The following ARMH3 variants were observed in gnomAD, a reference collection of about 807,000 sequenced individuals.
The protein encoded by ARMH3 is armadillo-like helical domain-containing protein 3.
Under a neutral mutation model 99.1 loss-of-function variants are expected in ARMH3, and 60 were observed. The observed-to-expected ratio is 0.61, with a 90% CI of 0.49 to 0.75. The LOEUF is 0.75. ARMH3 is among the 30% of genes least tolerant of loss of function. ARMH3 has a pLI of 0.00. For missense variants in ARMH3, 679 were observed against 843.1 expected, an observed-to-expected ratio of 0.81 and a Z score of 2.41; for synonymous variants, 285 against 292.8, an observed-to-expected ratio of 0.97 and a Z score of 0.27.
At chr10:102,028,181 C>G (rs1405158688) in intron 5 of ARMH3, among the ~76,000 whole-genome samples, 1 of 152,064 alleles carries the variant, frequency 6.6e-6, no homozygotes, top group Non-Finnish European at 1.5e-5. Context: ...TTTGGTAGTT[C>G]CTAAAATGTC....
chr10:102,023,383 G>T, intron 8 of ARMH3, 94 bp downstream of exon 8: 2 of 1,119,848 alleles, frequency 1.8e-6, no homozygotes, highest in South Asian at 1.5e-5. Context: ...CATTTACCAA[G>T]AACGTCTTCT....
chr10:101,973,136 G>A (rs769082481), intron 20 of ARMH3, among the ~76,000 whole-genome samples: 47 of 152,160 alleles, frequency 3.1e-4, no homozygotes, highest in Non-Finnish European at 4.9e-4. Flanking sequence ...CGAGGTGGGC[G>A]GATCACAAGG....
intron 1 of ARMH3, among the ~76,000 whole-genome samples, chr10:102,054,487 C>CGTA (rs1396700429): frequency 6.6e-6 from 1 of 152,158 alleles, no homozygotes; most frequent in Non-Finnish European, 1.5e-5. Context: ...GGTATTCCCC[C>CGTA]TTTACAGTCG....
At chr10:101,955,374 G>A (rs559419990) in intron 22 of ARMH3, among the ~76,000 whole-genome samples, 1 of 152,264 alleles carries the variant, frequency 6.6e-6, no homozygotes, top group Admixed American at 6.5e-5. Flanking sequence ...CTTTAAGATG[G>A]TTTTAAGTCC....
rs560089342 is a variant in ARMH3, at chr10:101,973,157, G to A, written c.1495+2055C>T. ...GGGCGGATCACAAGGTCAGGAGTTCGAGACCATCCTGCCTAACACGGTGAA... is the reference window on the plus strand; with the variant it reads ...GGGCGGATCACAAGGTCAGGAGTTCAAGACCATCCTGCCTAACACGGTGAA... On this transcript the variant is annotated intron_variant, in intron 20 of 25. Coordinates refer to ENST00000370033, the MANE Select transcript of ARMH3 (RefSeq NM_024541.3). Among the ~76,000 whole-genome samples the A allele has an allele frequency of 6.6e-5, 10 of 152,096 alleles. No homozygotes were observed. The South Asian group carries it at 2.1e-3, about 32-fold the overall frequency.
intron 14 of ARMH3, among the ~76,000 whole-genome samples, chr10:102,005,380 CAAAAAAAAAAA>C (rs11344018): frequency 3.1e-5 from 2 of 64,904 alleles, no homozygotes; most frequent in African/African-American, 1.2e-4. Context: ...GACTCTGTCT[CAAAAAAAAAAA>C]AAAAAAAAAA....
At chr10:101,957,867 A>C in intron 20 of ARMH3, 135 bp from the exon 21 acceptor site, 1 of 1,265,188 alleles carries the variant, frequency 7.9e-7, no homozygotes, top group Non-Finnish European at 1.1e-6. Flanking sequence ...TCTTTTAAAA[A>C]GCAGGTAAGG....
chr10:102,052,387 C>T (rs2067728861), intron 1 of ARMH3, among the ~76,000 whole-genome samples: 1 of 152,094 alleles, frequency 6.6e-6, no homozygotes, highest in African/African-American at 2.4e-5. Flanking sequence ...CCACACCCGG[C>T]TCATTTTTGT....
At position 102,046,425 on chromosome 10, in the gene ARMH3, G is replaced by A. The variant is rs990107579; in HGVS notation, c.-11-6300C>T. Among the ~76,000 whole-genome samples the A allele has an allele frequency of 3.3e-5, 5 of 152,148 alleles. No individual in the cohort carries two copies. In the East Asian group the frequency reaches 9.7e-4, roughly 29 times the overall value. ...TCCCAGCACTTTGGAGGCCGAGGCG[G>A]GCAGATCACCTGAGGTCAGGAGTTT... On this transcript the variant is annotated intron_variant, in intron 1 of 25. Transcript: ENST00000370033.
chr10:101,924,282 CA>C (rs1485302379), intron 23 of ARMH3, among the ~76,000 whole-genome samples: 2 of 151,424 alleles, frequency 1.3e-5, no homozygotes, highest in Non-Finnish European at 2.9e-5. Context: ...GGAGATTCAC[CA>C]AAATAACAAT....
intron 15 of ARMH3, among the ~76,000 whole-genome samples, chr10:101,996,653 A>G (rs1358548299): frequency 6.6e-6 from 1 of 151,690 alleles, no homozygotes; most frequent in Non-Finnish European, 1.5e-5. Flanking sequence ...CTATCTCTCC[A>G]CTTAAAATTT....
intron 24 of ARMH3, among the ~76,000 whole-genome samples, chr10:101,884,353 T>C (rs2067489775): frequency 6.6e-6 from 1 of 152,136 alleles, no homozygotes. Flanking sequence ...TATCAAATGA[T>C]TCTACCAGGT....
At chr10:101,935,170 G>C (rs886195266) in intron 23 of ARMH3, among the ~76,000 whole-genome samples, 8 of 80,400 alleles carry the variant, frequency 1.0e-4, no homozygotes, top group African/African-American at 4.9e-4. Flanking sequence ...CTCAAAGGTG[G>C]AGCAATATAT....
At chr10:102,027,630 A>G (rs933554254) in intron 5 of ARMH3, among the ~76,000 whole-genome samples, 2 of 152,086 alleles carry the variant, frequency 1.3e-5, no homozygotes, top group African/African-American at 4.8e-5. Flanking sequence ...TGAGATCATG[A>G]AGAGACATTA....
chr10:102,009,635 C>T (rs1473531525), intron 12 of ARMH3, among the ~76,000 whole-genome samples, 186 bp from the exon 13 acceptor site: 4 of 152,322 alleles, frequency 2.6e-5, no homozygotes, highest in South Asian at 2.1e-4. Context: ...AGGGCCTTCA[C>T]TTTAATTCCT....
chr10:102,009,521 A>G (rs2066582662), intron 12 of ARMH3, 72 bp from the exon 13 acceptor site: 2 of 1,277,228 alleles, frequency 1.6e-6, no homozygotes, highest in Admixed American at 1.8e-5. Flanking sequence ...CCATGAAGAT[A>G]AGATTGGATT....
intron 15 of ARMH3, among the ~76,000 whole-genome samples, chr10:102,001,643 G>A (rs1310951498): frequency 6.6e-6 from 1 of 152,198 alleles, no homozygotes; most frequent in Non-Finnish European, 1.5e-5. Flanking sequence ...GGAATTCCCT[G>A]AAGCGTGCTA....
chr10:101,987,626 GAT>G (rs1354552717), intron 19 of ARMH3, among the ~76,000 whole-genome samples: 1 of 152,134 alleles, frequency 6.6e-6, no homozygotes, highest in Non-Finnish European at 1.5e-5. Context: ...CATTAGAAAT[GAT>G]ATGTTACTTG....
At chr10:101,921,987 T>C (rs191584437) in intron 23 of ARMH3, among the ~76,000 whole-genome samples, 2 of 152,300 alleles carry the variant, frequency 1.3e-5, no homozygotes, top group African/African-American at 4.8e-5. Flanking sequence ...AGAGAGGACT[T>C]GAACTGTTCC....
Sources: gnomAD v4.1 joint callset for allele counts (sites outside exome capture counted in the v4.1 genomes callset) on GRCh38, gnomAD v4.1.1 for gene constraint, MANE v1.5 for transcripts, NCBI Gene and HGNC (gene_info 2026-07-23, HGNC 2026-07-21) for gene names.